The following RAP1GDS1 variants were observed in gnomAD, a reference collection of about 807,000 sequenced individuals.
The protein encoded by RAP1GDS1 is RAP1, GTP-GDP dissociation stimulator 1.
In RAP1GDS1, 35 loss-of-function variants were observed where a neutral mutation model predicts 71.1. The observed-to-expected ratio is 0.49, with a 90% CI of 0.38 to 0.65. The LOEUF (loss-of-function observed/expected upper bound fraction) is 0.65. Ranked by LOEUF, RAP1GDS1 falls within the 30% of genes least tolerant of loss-of-function variation. The pLI is 0.00. For synonymous variants in RAP1GDS1, 229 were observed against 243.1 expected (o/e 0.94, Z 0.54); for missense variants, 663 against 706.1 (o/e 0.94, Z 0.69).
intron 1 of RAP1GDS1, among the ~76,000 whole-genome samples, chr4:98,282,110 G>A (rs1725203188): frequency 6.6e-6 from 1 of 152,164 alleles, no homozygotes; most frequent in Admixed American, 6.5e-5. Flanking sequence ...GTATCAGGAT[G>A]ATGCTGGCCT....
chr4:98,351,004 T>G (rs1022000771), intron 3 of RAP1GDS1, among the ~76,000 whole-genome samples: 1 of 152,220 alleles, frequency 6.6e-6, no homozygotes, highest in African/African-American at 2.4e-5. Context: ...GGGTGACACC[T>G]TGTCTCAAGA....
At chr4:98,365,485 T>C (rs1739353421) in intron 4 of RAP1GDS1, among the ~76,000 whole-genome samples, 2 of 151,944 alleles carry the variant, frequency 1.3e-5, no homozygotes, top group African/African-American at 4.8e-5. Flanking sequence ...TGGCCTGTTG[T>C]GGTGGCATGC....
intron 4 of RAP1GDS1, among the ~76,000 whole-genome samples, chr4:98,369,738 A>G (rs1353190499): frequency 6.6e-6 from 1 of 152,134 alleles, no homozygotes; most frequent in Non-Finnish European, 1.5e-5. Context: ...TTTGGTTGTG[A>G]TGAAAATGCT....
chr4:98,283,961 A>G (rs1180441368), intron 1 of RAP1GDS1, among the ~76,000 whole-genome samples: 1 of 152,038 alleles, frequency 6.6e-6, no homozygotes, highest in Non-Finnish European at 1.5e-5. Context: ...AGTCCTTTGC[A>G]CAGTTCTGAT....
rs552396173 is a variant in RAP1GDS1 at position 98,355,213 on chromosome 4, A to G, written c.361+2612A>G. 1.8e-4 allele frequency among the ~76,000 whole-genome samples: 27 copies of G among 152,122 alleles called. No individual in the cohort carries two copies. In the South Asian group the frequency reaches 2.5e-3, roughly 14 times the overall value. On this transcript the variant is annotated intron_variant, in intron 4 of 14. Coordinates refer to ENST00000408927, the MANE Select transcript of RAP1GDS1 (RefSeq NM_001100427.2). Reference sequence around the variant, plus strand: ...TAGTGGCTTCTATTTTAATTCATCAACCTTCTTCACTCTCGGGAATGTAAT... The same window carrying G: ...TAGTGGCTTCTATTTTAATTCATCAGCCTTCTTCACTCTCGGGAATGTAAT...
At chr4:98,441,461 T>A in intron 14 of RAP1GDS1, 1 of 985,384 alleles carries the variant, frequency 1.0e-6, no homozygotes, top group Non-Finnish European at 1.2e-6. Context: ...CTAAGCTTTT[T>A]GGTAAGTCAT....
intron 1 of RAP1GDS1, among the ~76,000 whole-genome samples, chr4:98,264,596 G>T (rs1266946622): frequency 1.3e-5 from 2 of 152,122 alleles, no homozygotes; most frequent in Non-Finnish European, 2.9e-5. Context: ...AAGATAAAAA[G>T]ATATTCATGT....
intron 1 of RAP1GDS1, among the ~76,000 whole-genome samples, chr4:98,262,792 A>G (rs1435743005): frequency 5.9e-5 from 9 of 152,188 alleles, no homozygotes; most frequent in Non-Finnish European, 1.3e-4. Context: ...AAGTATCTAA[A>G]CCTGGGAATG....
At chr4:98,266,758 A>G (rs565615141) in intron 1 of RAP1GDS1, among the ~76,000 whole-genome samples, 1 of 152,162 alleles carries the variant, frequency 6.6e-6, no homozygotes, top group Non-Finnish European at 1.5e-5. Flanking sequence ...TCATATTCTG[A>G]AGTCTGTACT....
intron 1 of RAP1GDS1, among the ~76,000 whole-genome samples, chr4:98,274,611 C>T (rs549235813): frequency 6.6e-5 from 10 of 152,276 alleles, no homozygotes; most frequent in South Asian, 2.1e-4. Flanking sequence ...CACATCTTAA[C>T]GGATTCCACT....
intron 12 of RAP1GDS1, among the ~76,000 whole-genome samples, chr4:98,429,752 T>C (rs1750134423): frequency 6.6e-6 from 1 of 152,198 alleles, no homozygotes; most frequent in African/African-American, 2.4e-5. Context: ...TGGACACGCT[T>C]GGTTTAGAGT....
chr4:98,351,870 GT>G (rs1229759938), intron 3 of RAP1GDS1, among the ~76,000 whole-genome samples: 2 of 151,966 alleles, frequency 1.3e-5, no homozygotes, highest in Non-Finnish European at 2.9e-5. Context: ...GCAGATATGA[GT>G]GAGCCATAAA....
In RAP1GDS1 at chr4:98,420,006, T is replaced by C. The variant is rs559865402; in HGVS notation, c.1175-13T>C. 1.6e-5 allele frequency: 25 copies of C among 1,583,620 alleles called. No individual in the cohort carries two copies. In the South Asian group the frequency reaches 2.6e-4, roughly 16 times the overall value. ...CTAATACCATTTTAACCATAGTCTC[T>C]CTTTTTCTCCAGTTATAAATAAAGC... On this transcript the variant is annotated splice_polypyrimidine_tract_variant and intron_variant, in intron 10 of 14. Transcript: ENST00000408927.
At chr4:98,339,090 A>G (rs1735129394) in intron 2 of RAP1GDS1, among the ~76,000 whole-genome samples, 1 of 152,162 alleles carries the variant, frequency 6.6e-6, no homozygotes, top group African/African-American at 2.4e-5. Context: ...ATATGACATT[A>G]TAGGCTGGCT....
chr4:98,283,300 T>G (rs1725457618), intron 1 of RAP1GDS1, among the ~76,000 whole-genome samples: 1 of 152,154 alleles, frequency 6.6e-6, no homozygotes, highest in Non-Finnish European at 1.5e-5. Flanking sequence ...TATGAGCTGA[T>G]GATTTTCCTT....
intron 12 of RAP1GDS1, among the ~76,000 whole-genome samples, chr4:98,433,669 C>T (rs1444335709): frequency 2.0e-5 from 3 of 152,128 alleles, no homozygotes; most frequent in Non-Finnish European, 4.4e-5. Context: ...ACTTCTTTGG[C>T]TTTGGTAGCT....
chr4:98,416,717 T>C lies in RAP1GDS1; in HGVS notation c.764-28T>C, dbSNP rs1748085221. On this transcript the variant is annotated intron_variant, in intron 7 of 14. Transcript: ENST00000408927. Reference sequence around the variant, plus strand: ...AGAGCTCCTATTTTATCTCAAAGTTTGATTATTTTGTTCACGTTGTTCTTT... The same window carrying C: ...AGAGCTCCTATTTTATCTCAAAGTTCGATTATTTTGTTCACGTTGTTCTTT... 8 of 1,560,650 alleles carry C rather than the reference T, an allele frequency of 5.1e-6. No individual in the cohort carries two copies. The East Asian group carries it at 1.3e-4, about 26-fold the overall frequency.
intron 4 of RAP1GDS1, among the ~76,000 whole-genome samples, chr4:98,372,386 C>T (rs1367079038): frequency 4.6e-5 from 7 of 152,058 alleles, no homozygotes; most frequent in African/African-American, 1.7e-4. Context: ...AGGCTGACCT[C>T]GAACTCCTGA....
chr4:98,288,098 G>T (rs1291626621), intron 1 of RAP1GDS1, among the ~76,000 whole-genome samples: 3 of 152,000 alleles, frequency 2.0e-5, no homozygotes, highest in Non-Finnish European at 2.9e-5. Flanking sequence ...TGTTACATAT[G>T]TATACATGTG....
Sources: allele counts gnomAD v4.1 joint callset (sites outside exome capture counted in the v4.1 genomes callset), GRCh38; gene constraint gnomAD v4.1.1; transcripts MANE v1.5; gene names NCBI Gene and HGNC (gene_info 2026-07-23, HGNC 2026-07-21).